Variants in CYSTM1 observed in about 807,000 individuals in gnomAD.
CYSTM1 encodes cysteine-rich transmembrane module-containing protein 1.
Under a neutral mutation model 13.1 loss-of-function variants are expected in CYSTM1, and 4 were observed. The ratio of observed to expected loss-of-function variants is 0.31; its 90% CI spans 0.15 to 0.70. The LOEUF is 0.70. Among genes scored for constraint, CYSTM1 ranks in the 30% least tolerant of loss-of-function variants. CYSTM1 has a pLI of 0.72. For missense variants in CYSTM1, 96 were observed against 121.6 expected, an observed-to-expected ratio of 0.79 and a Z score of 0.99; for synonymous variants, 36 against 42.7, an observed-to-expected ratio of 0.84 and a Z score of 0.62.
In CYSTM1 at chr5:140,175,189, C is replaced by G. The variant is rs557580087; in HGVS notation, c.-117C>G. On this transcript the variant is annotated 5_prime_UTR_variant, in exon 1 of 3. Coordinates refer to ENST00000261811, the MANE Select transcript of CYSTM1 (RefSeq NM_032412.4). This position sits in a 1 kb window ranked among gnomAD's most constrained non-coding sequence, Gnocchi z 4.9. ...ACGTCAGGCGCCCGGCTGCTCCTCACTTGCTCTGAGACAGGTGCGGCAAGT... is the reference window on the plus strand; with the variant it reads ...ACGTCAGGCGCCCGGCTGCTCCTCAGTTGCTCTGAGACAGGTGCGGCAAGT... The G allele has an allele frequency of 1.3e-5, 2 of 152,424 alleles. No individual in the cohort carries two copies. Among genetic ancestry groups the G allele is most frequent in the South Asian group, 4.1e-4 (2 of 4,828 alleles). 9.4% of individuals were successfully genotyped at this position (152,424 alleles called of 1,614,324 possible). A position where few individuals can be genotyped will look rare whatever the true frequency, so the allele number is the denominator to read the frequency against.
At chr5:140,176,231 A>G (rs1763881661) in intron 1 of CYSTM1, among the ~76,000 whole-genome samples, 2 of 152,138 alleles carry the variant, frequency 1.3e-5, no homozygotes, top group Non-Finnish European at 2.9e-5. Flanking sequence ...TTGGTGTGAC[A>G]TTCCGGCAAA....
At chr5:140,213,191 G>A (rs868308602) in intron 2 of CYSTM1, among the ~76,000 whole-genome samples, 35 of 151,478 alleles carry the variant, frequency 2.3e-4, no homozygotes, top group African/African-American at 8.0e-4. Flanking sequence ...AGACAGTAAT[G>A]TTAATGATAC....
intron 1 of CYSTM1, among the ~76,000 whole-genome samples, chr5:140,178,156 G>C (rs1412158375): frequency 2.6e-5 from 4 of 152,170 alleles, no homozygotes; most frequent in Non-Finnish European, 5.9e-5. Context: ...GTGAAAGGCA[G>C]GGCTGGGGTA....
At position 140,175,552 on chromosome 5, in the gene CYSTM1, G is replaced by T. The variant is rs564573998; in HGVS notation, c.-21+267G>T. 6.6e-6 allele frequency among the ~76,000 whole-genome samples: 1 copy of T among 152,354 alleles called. No individual in the cohort carries two copies. Among genetic ancestry groups the T allele is most frequent in the Non-Finnish European group, 1.5e-5 (1 of 68,030 alleles). On this transcript the variant is annotated intron_variant, in intron 1 of 2. Transcript: ENST00000261811. This position sits in a 1 kb window ranked among gnomAD's most constrained non-coding sequence, Gnocchi z 4.9. ...GCGCGTCTCGGCGGTGGACTCACAG[G>T]GTCTCCGCGTCGCTGCGGTTCTCGT... is the stretch of plus-strand genomic sequence containing the variant.
intron 2 of CYSTM1, among the ~76,000 whole-genome samples, chr5:140,204,997 G>A (rs941676572): frequency 1.3e-5 from 2 of 152,118 alleles, no homozygotes; most frequent in Non-Finnish European, 1.5e-5. Flanking sequence ...GGCAACATAC[G>A]GATTTAAAAT....
chr5:140,237,019 A>C (rs957089474), intron 2 of CYSTM1, among the ~76,000 whole-genome samples: 3 of 152,214 alleles, frequency 2.0e-5, no homozygotes, highest in Non-Finnish European at 4.4e-5. Flanking sequence ...ACATGCACCC[A>C]GGAGTTCCCT....
intron 2 of CYSTM1, among the ~76,000 whole-genome samples, chr5:140,211,054 AC>A (rs978607775): frequency 6.6e-6 from 1 of 152,232 alleles, no homozygotes; most frequent in African/African-American, 2.4e-5. Flanking sequence ...GATTAAAACC[AC>A]CAGAACCAGA....
intron 2 of CYSTM1, among the ~76,000 whole-genome samples, chr5:140,211,642 A>G (rs1014306522): frequency 6.6e-6 from 1 of 152,154 alleles, no homozygotes; most frequent in African/African-American, 2.4e-5. Flanking sequence ...TCGTACAGCA[A>G]ATACCTGTTA....
At chr5:140,186,386 G>GA (rs1439440431) in intron 1 of CYSTM1, among the ~76,000 whole-genome samples, 9 of 152,328 alleles carry the variant, frequency 5.9e-5, no homozygotes, top group African/African-American at 2.2e-4. Flanking sequence ...TCAGCCATTA[G>GA]AACCTAGTCA....
intron 2 of CYSTM1, among the ~76,000 whole-genome samples, chr5:140,213,795 C>T (rs957617880): frequency 6.6e-6 from 1 of 152,190 alleles, no homozygotes; most frequent in Non-Finnish European, 1.5e-5. Context: ...CCTAGGTGTA[C>T]AGTAGGCTAT....
chr5:140,224,678 A>G (rs1435106782), intron 2 of CYSTM1, among the ~76,000 whole-genome samples: 1 of 151,928 alleles, frequency 6.6e-6, no homozygotes, highest in Non-Finnish European at 1.5e-5. Context: ...GAGCCACCAC[A>G]CTCAGCTACT....
In CYSTM1 at chr5:140,176,358, T is replaced by G. The variant is rs546126136; in HGVS notation, c.-21+1073T>G. 1.5e-4 allele frequency among the ~76,000 whole-genome samples: 23 copies of G among 152,312 alleles called. No homozygotes were observed. The South Asian group carries it at 4.8e-3, about 32-fold the overall frequency. On this transcript the variant is annotated intron_variant, in intron 1 of 2. Transcript: ENST00000261811. ...GCCTTTTTCAGCCATTGTTGGCAAA[T>G]TTTTAGAAATTAAACAAAAAATAAT... is the stretch of plus-strand genomic sequence containing the variant.
At chr5:140,177,578 T>C (rs1763905576) in intron 1 of CYSTM1, among the ~76,000 whole-genome samples, 1 of 152,088 alleles carries the variant, frequency 6.6e-6, no homozygotes, top group African/African-American at 2.4e-5. Context: ...TAGAAACCGG[T>C]GCAGCACTCA....
chr5:140,180,654 A>G (rs1763951519), intron 1 of CYSTM1, among the ~76,000 whole-genome samples: 1 of 152,184 alleles, frequency 6.6e-6, no homozygotes, highest in Admixed American at 6.5e-5. Flanking sequence ...GTGGAATATT[A>G]TTATTGATTT....
chr5:140,212,983 G>GTGTGTATATATATATATATATATATATA, intron 2 of CYSTM1, among the ~76,000 whole-genome samples: 1 of 114,294 alleles, frequency 8.7e-6, no homozygotes, highest in Non-Finnish European at 1.8e-5. Flanking sequence ...CAAAACAAAA[G>GTGTGTATATATATATATATATATATATA]TATATATATA....
At chr5:140,234,015 C>T (rs1764649228) in intron 2 of CYSTM1, among the ~76,000 whole-genome samples, 1 of 152,148 alleles carries the variant, frequency 6.6e-6, no homozygotes, top group South Asian at 2.1e-4. Flanking sequence ...TTTTTGGTGT[C>T]AGTCTAAGGA....
chr5:140,220,683 C>CTAAG (rs1042119602), intron 2 of CYSTM1, among the ~76,000 whole-genome samples: 1 of 152,032 alleles, frequency 6.6e-6, no homozygotes, highest in African/African-American at 2.4e-5. Flanking sequence ...GGAGACTGAG[C>CTAAG]TAAGTGTCAG....
At chr5:140,205,708 A>C (rs1013899074) in intron 2 of CYSTM1, among the ~76,000 whole-genome samples, 1 of 152,190 alleles carries the variant, frequency 6.6e-6, no homozygotes, top group Admixed American at 6.5e-5. Flanking sequence ...ATGAGCAGTG[A>C]GGAAGTTAGT....
At chr5:140,223,714 C>T (rs1764516071) in intron 2 of CYSTM1, among the ~76,000 whole-genome samples, 1 of 152,230 alleles carries the variant, frequency 6.6e-6, no homozygotes, top group Admixed American at 6.5e-5. Flanking sequence ...AGCTGGGTCC[C>T]TGGCCTACAC....
Sources: gnomAD v4.1 joint callset for allele counts (sites outside exome capture counted in the v4.1 genomes callset) on GRCh38, gnomAD v4.1.1 for gene constraint, Gnocchi (gnomAD v3.1) non-coding constraint, MANE v1.5 for transcripts, NCBI Gene and HGNC (gene_info 2026-07-23, HGNC 2026-07-21) for gene names.